ORC4: variants seen among roughly 807,000 people sequenced by gnomAD.
ORC4 encodes the protein origin recognition complex subunit 4, also known as origin recognition complex, subunit 4 homolog.
ORC4 carries 55 observed loss-of-function variants against 63.9 expected under a neutral mutation model. That is an observed-to-expected ratio of 0.86 (90% CI 0.69 to 1.08). ORC4 has a LOEUF of 1.08. Among genes scored for constraint, ORC4 ranks in the 50% least tolerant of loss-of-function variants. The pLI, the probability that ORC4 is intolerant of heterozygous loss-of-function variation, is 0.00. For missense variants in ORC4, 511 were observed against 504.4 expected (o/e 1.01, Z -0.13); for synonymous variants, 150 against 168.5 (o/e 0.89, Z 0.85).
chr2:148,002,056 C>T (rs1208899881), intron 1 of ORC4, among the ~76,000 whole-genome samples: 1 of 152,150 alleles, frequency 6.6e-6, no homozygotes, highest in Non-Finnish European at 1.5e-5. Context: ...AAAAGAAGTG[C>T]TAACTATCCT....
chr2:147,943,664 T>C (rs1688498214), intron 9 of ORC4, 142 bp from the exon 10 acceptor site: 8 of 633,588 alleles, frequency 1.3e-5, no homozygotes, highest in Middle Eastern at 4.2e-4. Flanking sequence ...TTGGTCTTAT[T>C]TGTAGAACAC....
Position 147,933,184 on chromosome 2 carries a change from TTCC to T in ORC4, c.*2323_*2325del, listed in dbSNP as rs1687863377. The T allele has an allele frequency of 6.6e-6, 1 of 152,118 alleles. No homozygotes were observed. Among genetic ancestry groups the T allele is most frequent in the Non-Finnish European group, 1.5e-5 (1 of 68,010 alleles). The allele number at this position is 152,118 out of a possible 1,614,324, so 9.4% of individuals were successfully genotyped here. On this transcript the variant is annotated 3_prime_UTR_variant, in exon 14 of 14. Transcript: ENST00000392857. Reference sequence around the variant, plus strand: ...GTTCATGCATTTTTTGGTTCTATTTTTCCTCCTCTAGTAAATGAAGAAAATAAG... The same window carrying T: ...GTTCATGCATTTTTTGGTTCTATTTTTCCTCTAGTAAATGAAGAAAATAAG...
intron 1 of ORC4, among the ~76,000 whole-genome samples, chr2:147,987,190 A>T (rs1454680157): frequency 1.3e-5 from 2 of 151,278 alleles, no homozygotes; most frequent in African/African-American, 4.9e-5. Flanking sequence ...GATCTTTAAA[A>T]AAAAAAAAAT....
At chr2:148,006,829 G>A (rs1692666987) in intron 1 of ORC4, among the ~76,000 whole-genome samples, 1 of 152,194 alleles carries the variant, frequency 6.6e-6, no homozygotes, top group African/African-American at 2.4e-5. Context: ...GGTCTGCAAT[G>A]CTTCAGAGGC....
chr2:147,976,309 T>C (rs1024605541), intron 1 of ORC4, among the ~76,000 whole-genome samples: 3 of 152,176 alleles, frequency 2.0e-5, no homozygotes, highest in Admixed American at 2.0e-4. Context: ...TCTGTCAGCA[T>C]TTTTTAGCAA....
At chr2:148,014,278 A>G (rs1693136594) in intron 1 of ORC4, among the ~76,000 whole-genome samples, 2 of 152,246 alleles carry the variant, frequency 1.3e-5, no homozygotes, top group African/African-American at 2.4e-5. Flanking sequence ...TTATGTTCAG[A>G]GTTTAAGGAC....
chr2:147,944,349 C>T (rs986211853), intron 9 of ORC4, among the ~76,000 whole-genome samples: 1 of 151,722 alleles, frequency 6.6e-6, no homozygotes, highest in Middle Eastern at 3.2e-3. Context: ...AAGAAAGATA[C>T]CAAAGACTGG....
intron 4 of ORC4, among the ~76,000 whole-genome samples, chr2:147,970,925 G>A (rs1382856447): frequency 6.6e-6 from 1 of 151,912 alleles, no homozygotes; most frequent in Non-Finnish European, 1.5e-5. Flanking sequence ...TGAGCTCAGG[G>A]TTCAGGACCA....
Position 147,931,379 on chromosome 2 carries a change from G to A in ORC4, c.*4131C>T, listed in dbSNP as rs1466943641. 2 of 151,952 alleles carry A rather than the reference G, an allele frequency of 1.3e-5. No homozygotes were observed. Among genetic ancestry groups the A allele is most frequent in the African/African-American group, 2.4e-5 (1 of 41,368 alleles). The allele number at this position is 151,952 out of a possible 1,614,324, so 9.4% of individuals were successfully genotyped here. A position where few individuals can be genotyped will look rare whatever the true frequency, so the allele number is the denominator to read the frequency against. ...TCCTTTGGGTATATACCCAGTAATG[G>A]GATGGCTGGGTCAAATGGTGTTTCC... On this transcript the variant is annotated 3_prime_UTR_variant, in exon 14 of 14. Transcript: ENST00000392857.
chr2:147,939,148 A>T lies in ORC4; in HGVS notation c.950T>A (p.Ile317Asn). ...QLCSMDSKAN[I>N]VHGLSVLEIC... ...TAAGGCTGGGTTCTCACCATGTACA[A>T]TATTTGCTTTCGAGTCCATGCTACA... The change falls in exon 11 of 14, where the codon ATT (isoleucine) becomes AAT (asparagine). Residue 317 changes from isoleucine (I) to asparagine (N), a missense_variant. Ile to Asn is a moderately radical substitution (Grantham distance 149). Transcript: ENST00000392857. 6.3e-7 allele frequency: 1 copy of T among 1,594,478 alleles called. No individual in the cohort carries two copies. Among genetic ancestry groups the T allele is most frequent in the Non-Finnish European group, 8.6e-7 (1 of 1,162,170 alleles).
At chr2:148,020,408 G>C (rs1439620596) in intron 1 of ORC4, among the ~76,000 whole-genome samples, 1 of 152,242 alleles carries the variant, frequency 6.6e-6, no homozygotes, top group Non-Finnish European at 1.5e-5. Context: ...CCCTGCACTT[G>C]TCAAGGATTC....
At chr2:148,021,451 TTGCTGCTGCTGTTGCTGC>T (rs1354964203), upstream of ORC4, 103 of 567,586 alleles carry the variant, frequency 1.8e-4, no homozygotes, top group Middle Eastern at 4.4e-4. Flanking sequence ...CACAGACCCT[TTGCTGCTGCTGTTGCTGC>T]TGCTGCTGCT....
intron 1 of ORC4, among the ~76,000 whole-genome samples, chr2:147,983,824 T>C (rs938575737): frequency 1.3e-5 from 2 of 152,106 alleles, no homozygotes; most frequent in African/African-American, 4.8e-5. Flanking sequence ...TGGGGAGTGA[T>C]GTGTTTCAAC....
intron 1 of ORC4, among the ~76,000 whole-genome samples, chr2:147,994,680 A>C (rs1691829432): frequency 6.6e-6 from 1 of 152,224 alleles, no homozygotes. Context: ...TTTCACACAC[A>C]AAAAATCTAA....
intron 1 of ORC4, among the ~76,000 whole-genome samples, chr2:148,015,879 A>G (rs1271803195): frequency 1.3e-5 from 2 of 152,178 alleles, no homozygotes; most frequent in Non-Finnish European, 2.9e-5. Context: ...TGGTTCAAGA[A>G]GTTTTGCAAA....
chr2:147,996,544 G>A (rs1399027532), intron 1 of ORC4, among the ~76,000 whole-genome samples: 1 of 152,132 alleles, frequency 6.6e-6, no homozygotes, highest in Non-Finnish European at 1.5e-5. Flanking sequence ...CACTTATTTT[G>A]TTACACAAAA....
intron 4 of ORC4, among the ~76,000 whole-genome samples, chr2:147,969,849 C>A (rs981712372): frequency 5.3e-5 from 8 of 151,710 alleles, no homozygotes; most frequent in African/African-American, 1.7e-4. Context: ...TAGACATAGT[C>A]TATGAATAAC....
chr2:148,021,292 C>T (rs1693704177), upstream of ORC4: 1 of 377,898 alleles, frequency 2.6e-6, no homozygotes, highest in Non-Finnish European at 5.2e-6. Flanking sequence ...GGGGATTGAG[C>T]CTGAGAGAGG....
intron 4 of ORC4, chr2:147,960,475 GGT>G: frequency 2.0e-6 from 1 of 496,816 alleles, no homozygotes; most frequent in South Asian, 8.7e-5. Context: ...ATATTTAGTT[GGT>G]TATTAATATC....
Sources: gnomAD v4.1 joint callset for allele counts (sites outside exome capture counted in the v4.1 genomes callset) on GRCh38, gnomAD v4.1.1 for gene constraint, MANE v1.5 for transcripts, NCBI Gene and HGNC (gene_info 2026-07-23, HGNC 2026-07-21) for gene names.